KMT2C: variants seen among roughly 807,000 people sequenced by gnomAD.
KMT2C encodes the protein lysine methyltransferase 2C, also known as histone-lysine N-methyltransferase 2C.
KMT2C carries 88 observed loss-of-function variants against 507.9 expected under a neutral mutation model. The observed-to-expected ratio is 0.17, with a 90% CI of 0.15 to 0.21. KMT2C has a LOEUF of 0.21. Among genes scored for constraint, KMT2C ranks in the 10% least tolerant of loss-of-function variants. The pLI, the probability that KMT2C is intolerant of heterozygous loss-of-function variation, is 1.00. For missense variants in KMT2C, 4,954 were observed against 5,957.8 expected (o/e 0.83, Z 5.55); for synonymous variants, 2,049 against 2,080.8 (o/e 0.98, Z 0.42).
At position 152,282,174 on chromosome 7, in the gene KMT2C, G is replaced by A. The variant is rs13438564; in HGVS notation, c.850-8307C>T. Among the ~76,000 whole-genome samples the A allele has an allele frequency of 9.2e-3, 1,404 of 152,216 alleles. 12 individuals are homozygous for A. Among genetic ancestry groups the A allele is most frequent in the African/African-American group, 0.032 (1,349 of 41,510 alleles). ...TAGCCAGGCGTGGTGGTGCACGCCT[G>A]TAATCCTAGCTACTCGAGAGACTGA... On this transcript the variant is annotated intron_variant, in intron 6 of 58. Coordinates refer to ENST00000262189, the MANE Select transcript of KMT2C (RefSeq NM_170606.3).
chr7:152,426,165 C>A (rs945941265), intron 1 of KMT2C, among the ~76,000 whole-genome samples: 1 of 149,870 alleles, frequency 6.7e-6, no homozygotes, highest in African/African-American at 2.5e-5. Context: ...CATCTGCGTA[C>A]AAAGAAAATC....
chr7:152,264,933 G>A (rs1004252845), intron 8 of KMT2C, 105 bp downstream of exon 8: 5 of 1,367,390 alleles, frequency 3.7e-6, no homozygotes, highest in Non-Finnish European at 4.8e-6. Context: ...AATGAATATA[G>A]CTAAAATATG....
At chr7:152,201,293 GACACACACACACACACACACAC>G (rs3839689) in intron 26 of KMT2C, among the ~76,000 whole-genome samples, 4 of 137,054 alleles carry the variant, frequency 2.9e-5, no homozygotes, top group East Asian at 2.1e-4. Flanking sequence ...TACAGACACA[GACACACACACACACACACACAC>G]ACACACACAC....
rs116027482 is a variant in KMT2C, at chr7:152,266,545, T to C, written c.1013-1336A>G. On this transcript the variant is annotated intron_variant, in intron 7 of 58. Coordinates refer to ENST00000262189, the MANE Select transcript of KMT2C (RefSeq NM_170606.3). ...CAGGTGTGAGCTACCACACTCAGCC[T>C]TTTTTCCATTTTGAAGGTTTGGTCA... Among the ~76,000 whole-genome samples, 538 of 152,178 alleles carry C rather than the reference T, an allele frequency of 3.5e-3. 5 individuals carry two copies. The highest frequency in any genetic ancestry group is 0.012 in the African/African-American group (519 of 41,548).
At chr7:152,388,500 G>GT (rs1360866481) in intron 1 of KMT2C, among the ~76,000 whole-genome samples, 1 of 97,816 alleles carries the variant, frequency 1.0e-5, no homozygotes, top group African/African-American at 4.9e-5. Flanking sequence ...CGGAGGTTGC[G>GT]TAAGCCGAGA....
At chr7:152,146,014 C>T (rs6954362) in intron 53 of KMT2C, among the ~76,000 whole-genome samples, 13,698 of 152,238 alleles carry the variant, frequency 0.09, 1,279 homozygotes, top group African/African-American at 0.23. Flanking sequence ...AAAGAAAACA[C>T]ACCAATGATA....
At chr7:152,310,221 T>G in intron 5 of KMT2C, 146 bp from the exon 6 acceptor site, 2 of 597,836 alleles carry the variant, frequency 3.3e-6, no homozygotes, top group Non-Finnish European at 5.9e-6. Context: ...AAGTGGCCCT[T>G]CTAAAAATGT....
At chr7:152,203,133 T>C (rs2129135878) in intron 25 of KMT2C, 69 bp from the exon 26 acceptor site, 1 of 1,268,010 alleles carries the variant, frequency 7.9e-7, no homozygotes, top group Non-Finnish European at 1.1e-6. Flanking sequence ...TGAAGGTAAT[T>C]TTATACCTTA....
intron 42 of KMT2C, among the ~76,000 whole-genome samples, chr7:152,164,174 C>T (rs192530313): frequency 1.3e-5 from 2 of 152,248 alleles, no homozygotes; most frequent in African/African-American, 4.8e-5. Flanking sequence ...GTTACACAAG[C>T]AGCTAATTTT....
chr7:152,257,766 G>T (rs2095685020), intron 9 of KMT2C, among the ~76,000 whole-genome samples: 1 of 151,952 alleles, frequency 6.6e-6, no homozygotes, highest in Non-Finnish European at 1.5e-5. Flanking sequence ...GGTGTTCAAT[G>T]TTTTGGCTTC....
chr7:152,194,047 G>A lies in KMT2C; in HGVS notation c.4622C>T (p.Pro1541Leu), dbSNP rs2129128828. ...TGGCAACAGCTGTGTTGGTGGGGGAGGCTGTGGCAATGGAGTTGGCTGAGT... is the reference window on the plus strand; with the variant it reads ...TGGCAACAGCTGTGTTGGTGGGGGAAGCTGTGGCAATGGAGTTGGCTGAGT... Reference protein sequence around the residue: ...ANTQPTPLPQPPPPTQLLPIH... With the variant: ...ANTQPTPLPQLPPPTQLLPIH... The change falls in exon 31 of 59, where the codon CCT becomes CTT. Residue 1541 changes from proline to leucine, a missense_variant. Physicochemically the swap from Pro to Leu is moderately conservative, Grantham distance 98. Around this residue, in one of 29 missense-constraint regions of KMT2C, gnomAD observed 195 missense variants for 183.7 expected, o/e 1.06. Transcript: ENST00000262189. The A allele has an allele frequency of 6.3e-7, 1 of 1,587,218 alleles. No homozygotes were observed. Among genetic ancestry groups the A allele is most frequent in the Non-Finnish European group, 8.5e-7 (1 of 1,171,456 alleles).
chr7:152,314,715 C>G (rs2096707495), intron 4 of KMT2C, among the ~76,000 whole-genome samples: 2 of 152,000 alleles, frequency 1.3e-5, no homozygotes, highest in Admixed American at 1.3e-4. Flanking sequence ...AAAACCAATT[C>G]TGGATTTGCT....
intron 1 of KMT2C, among the ~76,000 whole-genome samples, chr7:152,431,620 A>G (rs2097863310): frequency 6.6e-6 from 1 of 150,706 alleles, no homozygotes; most frequent in South Asian, 2.1e-4. Flanking sequence ...AAAAAAAAAG[A>G]AAAAAAACAG....
chr7:152,299,023 A>G (rs761914905), intron 6 of KMT2C, among the ~76,000 whole-genome samples: 1 of 152,326 alleles, frequency 6.6e-6, no homozygotes, highest in Non-Finnish European at 1.5e-5. Flanking sequence ...AACTGGAATC[A>G]TAATAAATAA....
intron 1 of KMT2C, among the ~76,000 whole-genome samples, chr7:152,409,636 C>T (rs2097660577): frequency 6.6e-6 from 1 of 151,556 alleles, no homozygotes; most frequent in African/African-American, 2.4e-5. Flanking sequence ...GAGGCTGAGG[C>T]AGGAGAATCG....
chr7:152,434,382 A>G (rs1182895064), intron 1 of KMT2C, among the ~76,000 whole-genome samples: 2 of 152,236 alleles, frequency 1.3e-5, no homozygotes, highest in Non-Finnish European at 2.9e-5. Context: ...AGAAAAGAGC[A>G]CATTCAAGTC....
chr7:152,364,584 G>A (rs2097222385), intron 1 of KMT2C, among the ~76,000 whole-genome samples: 1 of 147,394 alleles, frequency 6.8e-6, no homozygotes, highest in South Asian at 2.1e-4. Context: ...ACTCCAGCCT[G>A]GGTGACAGAG....
Position 152,249,894 on chromosome 7 carries a change from C to A in KMT2C, c.1795G>T (p.Asp599Tyr), listed in dbSNP as rs141579002. The A allele has an allele frequency of 1.0e-4, 163 of 1,597,610 alleles. No individual in the cohort carries two copies. The African/African-American group carries it at 1.7e-3, about 16-fold the overall frequency. ...TGCTTACCAGCAATAAGAAGACTATCTGTGTCAAGACTTTCTGAGGGATGA... is the reference window on the plus strand; with the variant it reads ...TGCTTACCAGCAATAAGAAGACTATATGTGTCAAGACTTTCTGAGGGATGA... ...KSHPSESLDT[D>Y]SLLIAVSSQH... The change falls in exon 13 of 59, where the codon GAT (aspartate) becomes TAT (tyrosine). Residue 599 changes from aspartate (D) to tyrosine (Y), a missense_variant. Asp to Tyr is a radical substitution (Grantham distance 160). Transcript: ENST00000262189.
chr7:152,295,780 C>A (rs1343765868), intron 6 of KMT2C, among the ~76,000 whole-genome samples: 1 of 152,088 alleles, frequency 6.6e-6, no homozygotes, highest in Non-Finnish European at 1.5e-5. Context: ...AAGATATGAA[C>A]GCTCGGCTGG....
Sources: gnomAD v4.1 joint callset for allele counts (sites outside exome capture counted in the v4.1 genomes callset) on GRCh38, gnomAD v4.1.1 for gene constraint, gnomAD v4.1.1 regional missense constraint, MANE v1.5 for transcripts, NCBI Gene and HGNC (gene_info 2026-07-23, HGNC 2026-07-21) for gene names.